Variants in TNK2 observed in about 807,000 individuals in gnomAD.
TNK2 encodes activated CDC42 kinase 1.
Under a neutral mutation model 101.8 loss-of-function variants are expected in TNK2, and 83 were observed. The observed-to-expected ratio is 0.82, with a 90% CI of 0.68 to 0.98. The LOEUF is 0.98. Among genes scored for constraint, TNK2 ranks in the 50% least tolerant of loss-of-function variants. TNK2 has a pLI of 0.00. For synonymous variants in TNK2, 804 were observed against 633.0 expected (o/e 1.27, Z -4.06); for missense variants, 1,665 against 1,483.2 (o/e 1.12, Z -2.01).
intron 12 of TNK2, chr3:195,869,085 A>C (rs1241778123): frequency 1.9e-5 from 9 of 467,360 alleles, no homozygotes; most frequent in South Asian, 1.5e-4. Context: ...GCACACCATT[A>C]GTGCAGGCAC....
intron 9 of TNK2, chr3:195,876,697 C>T (rs1348812896): frequency 6.6e-6 from 3 of 452,222 alleles, no homozygotes; most frequent in Non-Finnish European, 1.3e-5. Context: ...CCCAGAGCCC[C>T]ACCAGCAGCA....
At position 195,888,971 on chromosome 3, in the gene TNK2, G is replaced by A. The variant is rs550487206; in HGVS notation, c.-18-365C>T. 1.3e-5 allele frequency among the ~76,000 whole-genome samples: 2 copies of A among 152,132 alleles called. No homozygotes were observed. Among genetic ancestry groups the A allele is most frequent in the East Asian group, 1.9e-4 (1 of 5,188 alleles). The stretch of plus-strand genomic sequence containing the variant: ...TTTAAAAACTAACAGTGGTCTCTCC[G>A]GGAACACCGACGTGTTCTTACTCCT... On this transcript the variant is annotated intron_variant, in intron 1 of 15. Transcript: ENST00000672887. The surrounding 1 kb of genome is among the most constrained non-coding windows in gnomAD (Gnocchi z 5.3).
Position 195,867,659 on chromosome 3 carries a change from C to A in TNK2, c.2639G>T (p.Arg880Leu), listed in dbSNP as rs202157460. Residue 880 changes from arginine to leucine, a missense_variant, in exon 13 of 16, where the codon CGA (arginine) becomes CTA (leucine). By Grantham distance (102) the Arg-to-Leu change is moderately radical (BLOSUM62 -2). This residue lies in a region of TNK2 where 1,136 missense variants were observed against 894.9 expected (regional missense o/e 1.27). Coordinates refer to ENST00000672887, the MANE Select transcript of TNK2 (RefSeq NM_001382273.1). ...SSTHYYLLPE[R>L]PSYLERYQRF... ...CTGGTAGCGCTCCAGGTAGGATGGT[C>A]GCTCGGGCAGCAAGTAATAGTGGGT... The A allele has an allele frequency of 6.2e-7, 1 of 1,604,984 alleles. No homozygotes were observed.
chr3:195,869,407 C>T (rs1185893369), intron 12 of TNK2, 90 bp downstream of exon 12: 1 of 1,417,212 alleles, frequency 7.1e-7, no homozygotes, highest in Non-Finnish European at 9.7e-7. Context: ...CCCCTCCGGC[C>T]CAGCCGCCCA....
chr3:195,879,309 G>T, intron 6 of TNK2, 134 bp from the exon 7 acceptor site: 1 of 1,373,510 alleles, frequency 7.3e-7, no homozygotes. Flanking sequence ...TCTCAGGGGC[G>T]CCGTGTGAAG....
chr3:195,873,728 G>A lies in TNK2; in HGVS notation c.1257-1258C>T, dbSNP rs564484811. 2.6e-5 allele frequency among the ~76,000 whole-genome samples: 4 copies of A among 152,314 alleles called. No individual in the cohort carries two copies. The South Asian group carries it at 6.2e-4, about 24-fold the overall frequency. ...CCTGGGCACCCAGACCCACAGCCTT[G>A]TAAGGTGACGAGGCCTGGCTGGAGC... On this transcript the variant is annotated intron_variant, in intron 9 of 15. Transcript: ENST00000672887.
chr3:195,865,424 G>A (rs1274437253), intron 15 of TNK2, among the ~76,000 whole-genome samples: 1 of 135,048 alleles, frequency 7.4e-6, no homozygotes, highest in African/African-American at 2.8e-5. Context: ...GTGCAAATCA[G>A]TTAAGAATGA....
rs753886512 is a variant in TNK2 at position 195,887,042 on chromosome 3, G to A, written c.169C>T (p.Arg57Trp). The A allele has an allele frequency of 3.7e-6, 6 of 1,610,806 alleles. No homozygotes were observed. The highest frequency in any genetic ancestry group is 1.1e-5 in the South Asian group (1 of 91,010). The change falls in exon 3 of 16, where the codon CGG (arginine) becomes TGG (tryptophan). Residue 57 changes from arginine (R) to tryptophan (W), a missense_variant. Arg to Trp is a moderately radical substitution (Grantham distance 101). Coordinates refer to ENST00000672887, the MANE Select transcript of TNK2 (RefSeq NM_001382273.1). ...EKIGMGRPGQRRLWEAVKRRK... is the reference protein window; with the variant it reads ...EKIGMGRPGQWRLWEAVKRRK... ...CTCTTCACAGCCTCCCACAGCCGCC[G>A]CTGGCCTGCAGGGAGAGCGGGGAAC... is the stretch of plus-strand genomic sequence containing the variant.
rs1259371308 is a variant in TNK2, at chr3:195,882,617, G to T, written c.610-289C>A. On this transcript the variant is annotated intron_variant, in intron 5 of 15. Transcript: ENST00000672887. This position sits in a 1 kb window ranked among gnomAD's most constrained non-coding sequence, Gnocchi z 4.2. ...TCACGCCTGTAATCCCAGCACTTTG[G>T]GAGGCCGAGGTGGGTGGATCATTTG... The T allele has an allele frequency of 8.5e-7, 1 of 1,173,284 alleles. No homozygotes were observed. The highest frequency in any genetic ancestry group is 1.5e-5 in the African/African-American group (1 of 65,282). The allele number at this position is 1,173,284 out of a possible 1,614,324, so 72.7% of individuals were successfully genotyped here. A position where few individuals can be genotyped will look rare whatever the true frequency, so the allele number is the denominator to read the frequency against.
At chr3:195,872,960 G>T (rs974167440) in intron 9 of TNK2, among the ~76,000 whole-genome samples, 4 of 152,230 alleles carry the variant, frequency 2.6e-5, no homozygotes, top group African/African-American at 9.6e-5. Context: ...GGTGCCGGGG[G>T]ACACCTAGGG....
At chr3:195,870,043 G>A in intron 11 of TNK2, 71 bp downstream of exon 11, 1 of 1,181,294 alleles carries the variant, frequency 8.5e-7, no homozygotes, top group South Asian at 1.7e-5. Context: ...CCTTAGGGTG[G>A]CCTGTGAAGA....
intron 14 of TNK2, 38 bp downstream of exon 14, chr3:195,867,131 G>A (rs1198400438): frequency 1.2e-6 from 2 of 1,610,058 alleles, no homozygotes; most frequent in African/African-American, 2.7e-5. Context: ...CAGGCTTCAG[G>A]GTCCCTGAGA....
chr3:195,881,672 C>G (rs1320760473), intron 6 of TNK2, among the ~76,000 whole-genome samples: 1 of 94,546 alleles, frequency 1.1e-5, no homozygotes, highest in East Asian at 5.1e-4. Context: ...GAGGACACAG[C>G]ATTTATCCCT....
At position 195,888,611 on chromosome 3, in the gene TNK2, G is replaced by T. The variant is rs749959601; in HGVS notation, c.-18-5C>A. On this transcript the variant is annotated splice_region_variant and splice_polypyrimidine_tract_variant and intron_variant, in intron 1 of 15. Coordinates refer to ENST00000672887, the MANE Select transcript of TNK2 (RefSeq NM_001382273.1). This position sits in a 1 kb window ranked among gnomAD's most constrained non-coding sequence, Gnocchi z 5.3. ...CATTCTGCCGCCTCCCAGCCTCTGTGGGGGGAGGAGTGGCTCAGGGACAAG... is the reference window on the plus strand; with the variant it reads ...CATTCTGCCGCCTCCCAGCCTCTGTTGGGGGAGGAGTGGCTCAGGGACAAG... The T allele has an allele frequency of 6.2e-6, 10 of 1,604,036 alleles. No homozygotes were observed. The highest frequency in any genetic ancestry group is 4.0e-5 in the African/African-American group (3 of 74,708).
rs116668398 is a variant in TNK2, at chr3:195,880,041, T to A, written c.888-866A>T. On this transcript the variant is annotated intron_variant, in intron 6 of 15. Coordinates refer to ENST00000672887, the MANE Select transcript of TNK2 (RefSeq NM_001382273.1). ...TGCTCGTTAAGATGACCATGCGTCCTGGATCATAAGGGTTGCCCACAGCCA... is the reference window on the plus strand; with the variant it reads ...TGCTCGTTAAGATGACCATGCGTCCAGGATCATAAGGGTTGCCCACAGCCA... 3.4e-3 allele frequency among the ~76,000 whole-genome samples: 516 copies of A among 152,266 alleles called. 3 individuals carry two copies. Among genetic ancestry groups the A allele is most frequent in the South Asian group, 8.1e-3 (39 of 4,834 alleles).
intron 1 of TNK2, among the ~76,000 whole-genome samples, chr3:195,905,662 C>A (rs1266429696): frequency 6.6e-6 from 1 of 151,956 alleles, no homozygotes; most frequent in African/African-American, 2.4e-5. Flanking sequence ...AATCCTAGAT[C>A]TCAATGTAAA....
chr3:195,895,403 CG>C, intron 1 of TNK2: 1 of 1,532,840 alleles, frequency 6.5e-7, no homozygotes, highest in Non-Finnish European at 8.8e-7. Context: ...CCTGGGGGGC[CG>C]GGCCTCGAGC....
intron 9 of TNK2, chr3:195,872,688 G>A (rs1209406755): frequency 7.4e-6 from 4 of 542,000 alleles, no homozygotes; most frequent in Non-Finnish European, 1.3e-5. Flanking sequence ...CTCTCTAGGT[G>A]GGTCAGGCAG....
chr3:195,896,418 C>G, intron 1 of TNK2: 1 of 293,586 alleles, frequency 3.4e-6, no homozygotes, highest in Non-Finnish European at 6.8e-6. Flanking sequence ...TCTCCTCACA[C>G]AGCCCCTTCC....
Sources: gnomAD v4.1 joint callset for allele counts (sites outside exome capture counted in the v4.1 genomes callset) on GRCh38, gnomAD v4.1.1 for gene constraint, gnomAD v4.1.1 regional missense constraint, Gnocchi (gnomAD v3.1) non-coding constraint, MANE v1.5 for transcripts, NCBI Gene and HGNC (gene_info 2026-07-23, HGNC 2026-07-21) for gene names.